Variants in SPAG9 observed in about 807,000 individuals in gnomAD.
The protein encoded by SPAG9 is sperm associated antigen 9, also known as C-Jun-amino-terminal kinase-interacting protein 4.
Under a neutral mutation model 166.5 loss-of-function variants are expected in SPAG9, and 35 were observed. The ratio of observed to expected loss-of-function variants is 0.21; its 90% CI spans 0.16 to 0.28. SPAG9 has a LOEUF of 0.28. Ranked by LOEUF, SPAG9 falls within the 10% of genes least tolerant of loss-of-function variation. The probability of loss-of-function intolerance (pLI) is 1.00; values close to 1 mark genes in which losing one functional copy is unlikely to be tolerated. For missense variants in SPAG9, 1,235 were observed against 1,603.3 expected (o/e 0.77, Z 3.92); for synonymous variants, 534 against 565.5 (o/e 0.94, Z 0.79).
At chr17:51,008,174 G>C (rs1286242829) in intron 9 of SPAG9, among the ~76,000 whole-genome samples, 3 of 152,064 alleles carry the variant, frequency 2.0e-5, no homozygotes, top group Non-Finnish European at 4.4e-5. Flanking sequence ...AAATAATAAT[G>C]TTCAGTTATC....
At chr17:51,094,580 G>A (rs1233681488) in intron 1 of SPAG9, among the ~76,000 whole-genome samples, 1 of 152,104 alleles carries the variant, frequency 6.6e-6, no homozygotes, top group African/African-American at 2.4e-5. Flanking sequence ...GTTGATGAGG[G>A]GAAGTTTCCT....
At chr17:51,075,514 AT>A (rs1441763608) in intron 2 of SPAG9, among the ~76,000 whole-genome samples, 1 of 152,156 alleles carries the variant, frequency 6.6e-6, no homozygotes, top group Non-Finnish European at 1.5e-5. Context: ...TAGACAAGGA[AT>A]TCTTTTCCAA....
intron 1 of SPAG9, among the ~76,000 whole-genome samples, chr17:51,113,390 A>G (rs2049182647): frequency 7.0e-6 from 1 of 143,244 alleles, no homozygotes. Context: ...AGAAAAAGCA[A>G]ATAGGTTGGC....
chr17:51,104,718 G>T (rs1449038808), intron 1 of SPAG9, among the ~76,000 whole-genome samples: 1 of 151,894 alleles, frequency 6.6e-6, no homozygotes, highest in Non-Finnish European at 1.5e-5. Context: ...CGGATCACGA[G>T]GTCAGGAGAT....
intron 4 of SPAG9, among the ~76,000 whole-genome samples, chr17:51,043,401 C>A (rs755430710): frequency 6.6e-6 from 1 of 152,138 alleles, no homozygotes; most frequent in Non-Finnish European, 1.5e-5. Context: ...ACCTATTGTA[C>A]ACATACACAT....
chr17:50,991,923 CTTTT>C (rs1023810785), intron 19 of SPAG9, among the ~76,000 whole-genome samples: 2 of 63,316 alleles, frequency 3.2e-5, no homozygotes, highest in African/African-American at 6.3e-5. Flanking sequence ...CATGCCAGGT[CTTTT>C]TTTTTTTTTT....
intron 1 of SPAG9, among the ~76,000 whole-genome samples, chr17:51,107,661 C>T (rs1352163985): frequency 6.6e-6 from 1 of 151,252 alleles, no homozygotes. Context: ...TGCTTGAACC[C>T]GGGAGGTGGA....
At chr17:51,080,232 C>A (rs1048854651) in intron 1 of SPAG9, among the ~76,000 whole-genome samples, 2 of 152,076 alleles carry the variant, frequency 1.3e-5, no homozygotes, top group Admixed American at 6.6e-5. Context: ...ATCATTAAAT[C>A]TCAGTCTTCA....
chr17:50,993,576 A>G (rs1172209184), intron 19 of SPAG9, among the ~76,000 whole-genome samples, 188 bp downstream of exon 19: 1 of 152,160 alleles, frequency 6.6e-6, no homozygotes, highest in African/African-American at 2.4e-5. Context: ...TATTTTCTTC[A>G]CAGTATTTTT....
Position 50,965,735 on chromosome 17 carries a change from G to T in SPAG9, c.*537C>A, listed in dbSNP as rs1973326244. 1 of 152,832 alleles carries T rather than the reference G, an allele frequency of 6.5e-6. No homozygotes were observed. The highest frequency in any genetic ancestry group is 2.4e-5 in the African/African-American group (1 of 41,442). 9.5% of individuals were successfully genotyped at this position (152,832 alleles called of 1,614,324 possible). On this transcript the variant is annotated 3_prime_UTR_variant, in exon 30 of 30. Transcript: ENST00000262013. ...TTTATATACCATATAAACAAGATTT[G>T]TCAGATTTGAAAGTGAAAGTTAAAG...
intron 28 of SPAG9, among the ~76,000 whole-genome samples, chr17:50,974,168 T>C (rs1349431755): frequency 6.6e-6 from 1 of 152,200 alleles, no homozygotes; most frequent in Non-Finnish European, 1.5e-5. Flanking sequence ...TCACTGGACA[T>C]CATCACTTCC....
At chr17:51,037,782 T>C (rs2046677114) in intron 5 of SPAG9, among the ~76,000 whole-genome samples, 1 of 148,524 alleles carries the variant, frequency 6.7e-6, no homozygotes, top group Admixed American at 6.8e-5. Flanking sequence ...CCCAGGCTGG[T>C]TTTGAACTCC....
At chr17:51,048,330 T>C (rs1025032922) in intron 3 of SPAG9, among the ~76,000 whole-genome samples, 1 of 152,072 alleles carries the variant, frequency 6.6e-6, no homozygotes, top group Non-Finnish European at 1.5e-5. Flanking sequence ...TAACATGATA[T>C]GAATAAGAAA....
At chr17:51,094,151 C>T (rs566959840) in intron 1 of SPAG9, among the ~76,000 whole-genome samples, 6 of 152,290 alleles carry the variant, frequency 3.9e-5, no homozygotes, top group Middle Eastern at 3.4e-3. Context: ...AGTGTCTCTA[C>T]GAAAGGACCA....
chr17:51,119,815 A>G (rs2049418091), intron 1 of SPAG9, among the ~76,000 whole-genome samples: 1 of 152,214 alleles, frequency 6.6e-6, no homozygotes, highest in African/African-American at 2.4e-5. Context: ...ACCAAGGCAC[A>G]TAGAACATAA....
At chr17:51,080,316 T>A (rs1045502164) in intron 1 of SPAG9, among the ~76,000 whole-genome samples, 1 of 151,890 alleles carries the variant, frequency 6.6e-6, no homozygotes, top group African/African-American at 2.4e-5. Context: ...TTTTTTAATT[T>A]GGCTACCAGG....
intron 25 of SPAG9, among the ~76,000 whole-genome samples, chr17:50,980,133 A>G (rs189166041): frequency 5.9e-5 from 9 of 152,312 alleles, no homozygotes; most frequent in Admixed American, 2.6e-4. Flanking sequence ...TATATAGGAT[A>G]TCACCTTATA....
chr17:51,086,606 T>C (rs1417661705), intron 1 of SPAG9, among the ~76,000 whole-genome samples: 1 of 151,652 alleles, frequency 6.6e-6, no homozygotes, highest in Non-Finnish European at 1.5e-5. Flanking sequence ...TGAGCCGACA[T>C]CCCACCACTT....
Position 50,993,656 on chromosome 17 carries a change from T to G in SPAG9, c.2398+108A>C, listed in dbSNP as rs1567973439. ...TTTTTAATCTTCCCTAACTAGAACA[T>G]AAGCTTCATGACAGCAAGGTGCAGA... On this transcript the variant is annotated intron_variant, in intron 19 of 29. Coordinates refer to ENST00000262013, the MANE Select transcript of SPAG9 (RefSeq NM_001130528.3). 1.6e-5 allele frequency: 17 copies of G among 1,049,708 alleles called. No homozygotes were observed. In the East Asian group the frequency reaches 4.2e-4, roughly 26 times the overall value. The allele number at this position is 1,049,708 out of a possible 1,614,324, so 65.0% of individuals were successfully genotyped here.
Sources: gnomAD v4.1 joint callset for allele counts (sites outside exome capture counted in the v4.1 genomes callset) on GRCh38, gnomAD v4.1.1 for gene constraint, MANE v1.5 for transcripts, NCBI Gene and HGNC (gene_info 2026-07-23, HGNC 2026-07-21) for gene names.